Variants in OR51B5 observed in about 807,000 individuals in gnomAD.
The protein encoded by OR51B5 is olfactory receptor family 51 subfamily B member 5.
For synonymous variants in OR51B5, 186 were observed against 144.8 expected (o/e 1.28, Z -2.04); for missense variants, 456 against 374.6 (o/e 1.22, Z -1.79).
intron 1 of OR51B5, among the ~76,000 whole-genome samples, chr11:5,460,030 G>A (rs1378726584): frequency 6.6e-6 from 1 of 152,002 alleles, no homozygotes; most frequent in East Asian, 1.9e-4. Context: ...TATACACCAT[G>A]GAATTCTACA....
At chr11:5,503,866 T>C (rs749800212) in intron 1 of OR51B5, among the ~76,000 whole-genome samples, 8 of 152,226 alleles carry the variant, frequency 5.3e-5, no homozygotes, top group African/African-American at 1.9e-4. Context: ...ACTTGATTTA[T>C]TGCAGTGATT....
At position 5,460,405 on chromosome 11, in the gene OR51B5, G is replaced by T. The variant is rs751704091; in HGVS notation, n.84+45164C>A. ...CTTGAACGTAAAAGTTTTGAAAAAA[G>T]AAATTCTTCTACTGAATTTTTTATT... On this transcript the variant is annotated intron_variant and non_coding_transcript_variant, in intron 1 of 4. Transcript: ENST00000415970. 3.5e-4 allele frequency among the ~76,000 whole-genome samples: 54 copies of T among 152,166 alleles called. 1 individual carries two copies. The highest frequency in any genetic ancestry group is 7.5e-4 in the Non-Finnish European group (51 of 68,022).
chr11:5,347,920 A>G (rs566674481), upstream of OR51B5, among the ~76,000 whole-genome samples: 6 of 152,316 alleles, frequency 3.9e-5, no homozygotes, highest in Admixed American at 6.5e-5. Flanking sequence ...GATGATGCCC[A>G]AATCTTTCAT....
chr11:5,438,964 G>C (rs1319411273), intron 1 of OR51B5, among the ~76,000 whole-genome samples: 1 of 152,194 alleles, frequency 6.6e-6, no homozygotes, highest in East Asian at 1.9e-4. Flanking sequence ...AAAAGAAAAA[G>C]AGTTAATAGA....
chr11:5,379,013 G>A (rs532285593), intron 1 of OR51B5, among the ~76,000 whole-genome samples: 10 of 150,646 alleles, frequency 6.6e-5, no homozygotes, highest in Admixed American at 1.3e-4. Context: ...ACATGCACAC[G>A]TATGTTTATT....
At chr11:5,481,388 C>T (rs1851417526) in intron 1 of OR51B5, among the ~76,000 whole-genome samples, 1 of 89,810 alleles carries the variant, frequency 1.1e-5, no homozygotes, top group Non-Finnish European at 2.2e-5. Context: ...TATGACAAAC[C>T]CACAGCCAAT....
At chr11:5,409,402 A>AT (rs1456624927) in intron 1 of OR51B5, among the ~76,000 whole-genome samples, 24 of 152,182 alleles carry the variant, frequency 1.6e-4, no homozygotes, top group Non-Finnish European at 2.8e-4. Flanking sequence ...TCCAATTAGT[A>AT]TTTTTCAAAA....
At chr11:5,370,428 A>G (rs1849430457) in intron 1 of OR51B5, among the ~76,000 whole-genome samples, 1 of 152,194 alleles carries the variant, frequency 6.6e-6, no homozygotes. Flanking sequence ...ATTAAATTCA[A>G]ATCTTCAGAG....
chr11:5,387,942 C>A (rs1055992436), intron 1 of OR51B5, among the ~76,000 whole-genome samples: 2 of 152,030 alleles, frequency 1.3e-5, no homozygotes, highest in Non-Finnish European at 2.9e-5. Flanking sequence ...TGTTTCTGTT[C>A]ATTGTATTTT....
At chr11:5,365,732 T>C (rs1849354576) in intron 1 of OR51B5, among the ~76,000 whole-genome samples, 2 of 152,294 alleles carry the variant, frequency 1.3e-5, no homozygotes, top group South Asian at 4.1e-4. Flanking sequence ...CTGTAATTAT[T>C]TAAAAAATAG....
At position 5,489,806 on chromosome 11, in the gene OR51B5, A is replaced by T; in HGVS notation, n.84+15763T>A. On this transcript the variant is annotated intron_variant and non_coding_transcript_variant, in intron 1 of 4. Coordinates refer to the OR51B5 transcript ENST00000415970. The stretch of plus-strand genomic sequence containing the variant: ...AGGAAGAGGAATAGCCAGATGAATC[A>T]GAGCTATCAATTATCACACTGAACA... The T allele has an allele frequency of 4.5e-6, 3 of 661,784 alleles. No individual in the cohort carries two copies. In the South Asian group the frequency reaches 5.8e-5, roughly 13 times the overall value. 41.0% of individuals were successfully genotyped at this position (661,784 alleles called of 1,614,324 possible). A position where few individuals can be genotyped will look rare whatever the true frequency, so the allele number is the denominator to read the frequency against.
chr11:5,422,256 T>A, intron 1 of OR51B5: 2 of 1,614,044 alleles, frequency 1.2e-6, no homozygotes. Flanking sequence ...CTCACGGACA[T>A]CCCTGGATTT....
At chr11:5,353,854 A>G (rs1849141962) in intron 1 of OR51B5, among the ~76,000 whole-genome samples, 1 of 152,220 alleles carries the variant, frequency 6.6e-6, no homozygotes, top group Non-Finnish European at 1.5e-5. Context: ...GGATGTATAA[A>G]TAACACAGAG....
intron 1 of OR51B5, among the ~76,000 whole-genome samples, chr11:5,464,924 T>A (rs1376024792): frequency 6.6e-6 from 1 of 152,172 alleles, no homozygotes; most frequent in African/African-American, 2.4e-5. Context: ...GTGTTCCTAT[T>A]GGCTGGGCGC....
intron 1 of OR51B5, among the ~76,000 whole-genome samples, chr11:5,505,129 G>A (rs973977018): frequency 1.3e-5 from 2 of 152,116 alleles, no homozygotes; most frequent in African/African-American, 4.8e-5. Context: ...GTTTTGTTTT[G>A]TTTTTGCTTT....
rs1849546705 is a variant in OR51B5 at position 5,377,554 on chromosome 11, A to G, written n.85-30644T>C. On this transcript the variant is annotated intron_variant and non_coding_transcript_variant, in intron 1 of 4. Coordinates refer to the OR51B5 transcript ENST00000415970. ...TTGCAGACGACATGATTGTATATCT[A>G]GAAAACCCCCTTGTCTCAGCCCAAA... Among the ~76,000 whole-genome samples the G allele has an allele frequency of 3.9e-5, 6 of 152,234 alleles. No individual in the cohort carries two copies. The South Asian group carries it at 1.2e-3, about 32-fold the overall frequency.
intron 1 of OR51B5, among the ~76,000 whole-genome samples, chr11:5,420,633 T>C (rs980657211): frequency 2.8e-5 from 4 of 142,052 alleles, no homozygotes; most frequent in South Asian, 2.3e-4. Flanking sequence ...CTGTGATTCT[T>C]GTCTATTGCT....
intron 1 of OR51B5, among the ~76,000 whole-genome samples, chr11:5,474,690 T>C (rs552594282): frequency 4.6e-5 from 7 of 152,310 alleles, no homozygotes; most frequent in South Asian, 4.1e-4. Context: ...CTATTTCTCA[T>C]TGGAAATTAA....
chr11:5,342,263 TCTGCTAACTTTATACCATG>T (rs1848907622), downstream of OR51B5, among the ~76,000 whole-genome samples: 1 of 152,148 alleles, frequency 6.6e-6, no homozygotes, highest in African/African-American at 2.4e-5. Context: ...TCTGTTCCTA[TCTGCTAACTTTATACCATG>T]AAATAAACAT....
Sources: gnomAD v4.1 joint callset for allele counts (sites outside exome capture counted in the v4.1 genomes callset) on GRCh38, gnomAD v4.1.1 for gene constraint, MANE v1.5 for transcripts, NCBI Gene and HGNC (gene_info 2026-07-23, HGNC 2026-07-21) for gene names.